Variants in LIMCH1 observed in about 807,000 individuals in gnomAD.
LIMCH1 encodes LIM and calponin homology domains-containing protein 1.
In LIMCH1, 113 loss-of-function variants were observed where a neutral mutation model predicts 176.5. That is an observed-to-expected ratio of 0.64 (90% CI 0.55 to 0.75). LIMCH1 has a LOEUF of 0.75. LIMCH1 is among the 30% of genes least tolerant of loss of function. The pLI, the probability that LIMCH1 is intolerant of heterozygous loss-of-function variation, is 0.00. For missense variants in LIMCH1, 1,674 were observed against 1,814.9 expected (o/e 0.92, Z 1.41); for synonymous variants, 619 against 645.9 (o/e 0.96, Z 0.63).
At chr4:41,612,564 A>C (rs1298574551) in intron 4 of LIMCH1, 4 of 702,486 alleles carry the variant, frequency 5.7e-6, no homozygotes, top group African/African-American at 1.7e-5. Flanking sequence ...AATTAATGCT[A>C]AGACACTGGC....
At chr4:41,380,645 C>A (rs1326436568) in intron 1 of LIMCH1, among the ~76,000 whole-genome samples, 4 of 152,100 alleles carry the variant, frequency 2.6e-5, no homozygotes, top group Non-Finnish European at 5.9e-5. Context: ...TAGACATTTT[C>A]CCCCAAGTGA....
chr4:41,412,403 G>A (rs564861156), intron 1 of LIMCH1, among the ~76,000 whole-genome samples: 1 of 152,140 alleles, frequency 6.6e-6, no homozygotes, highest in South Asian at 2.1e-4. Context: ...TTCACTTTTC[G>A]GGTTTGAAGA....
At chr4:41,402,675 A>G (rs6447064) in intron 1 of LIMCH1, among the ~76,000 whole-genome samples, 54,455 of 138,130 alleles carry the variant, frequency 0.39, 13,121 homozygotes, top group African/African-American at 0.73. Context: ...TGTCCTTTGT[A>G]GGGACATGGA....
At chr4:41,646,393 A>G (rs573623688) in intron 16 of LIMCH1, 92 bp from the exon 17 acceptor site, 6 of 1,515,356 alleles carry the variant, frequency 4.0e-6, no homozygotes, top group Middle Eastern at 1.9e-4. Flanking sequence ...TATTCCCTGT[A>G]CTATCTCTTC....
chr4:41,541,838 C>G (rs376526960), intron 1 of LIMCH1, among the ~76,000 whole-genome samples: 2 of 152,310 alleles, frequency 1.3e-5, no homozygotes, highest in African/African-American at 4.8e-5. Flanking sequence ...ACAAGCGTTT[C>G]TGTGGGAGGT....
intron 1 of LIMCH1, among the ~76,000 whole-genome samples, chr4:41,420,910 G>T (rs1211775280): frequency 1.3e-5 from 2 of 152,176 alleles, no homozygotes; most frequent in Non-Finnish European, 2.9e-5. Flanking sequence ...TTACTAGTTG[G>T]TAATTGTTGT....
intron 1 of LIMCH1, among the ~76,000 whole-genome samples, chr4:41,585,820 G>A (rs1168324318): frequency 6.6e-6 from 1 of 152,102 alleles, no homozygotes; most frequent in African/African-American, 2.4e-5. Context: ...ACTGATACGT[G>A]ATTCTACTAC....
chr4:41,567,047 T>G (rs961141541), intron 1 of LIMCH1, among the ~76,000 whole-genome samples: 4 of 152,222 alleles, frequency 2.6e-5, no homozygotes, highest in African/African-American at 9.6e-5. Flanking sequence ...AAAGCTGTTC[T>G]TCCTTTCACC....
chr4:41,565,400 C>CAG (rs1561770310), intron 1 of LIMCH1, among the ~76,000 whole-genome samples: 1 of 140,488 alleles, frequency 7.1e-6, no homozygotes, highest in African/African-American at 2.9e-5. Context: ...CACACACAGA[C>CAG]ACACACACAC....
intron 1 of LIMCH1, among the ~76,000 whole-genome samples, chr4:41,391,739 A>G (rs770550472): frequency 1.3e-5 from 2 of 152,180 alleles, no homozygotes; most frequent in Non-Finnish European, 2.9e-5. Context: ...AGGTCGTAAA[A>G]AGCAAGCAAA....
At chr4:41,492,345 G>A (rs1417122087) in intron 1 of LIMCH1, among the ~76,000 whole-genome samples, 2 of 151,684 alleles carry the variant, frequency 1.3e-5, no homozygotes, top group Non-Finnish European at 1.5e-5. Flanking sequence ...AGGTTGCAGC[G>A]AGCCGAGATC....
intron 1 of LIMCH1, among the ~76,000 whole-genome samples, chr4:41,413,186 A>T (rs1054355943): frequency 6.6e-6 from 1 of 150,482 alleles, no homozygotes; most frequent in Non-Finnish European, 1.5e-5. Context: ...ACAGAGAGCC[A>T]TGTTATTATA....
chr4:41,424,287 G>A (rs979802498), intron 1 of LIMCH1, among the ~76,000 whole-genome samples: 2 of 151,982 alleles, frequency 1.3e-5, no homozygotes, highest in Non-Finnish European at 2.9e-5. Flanking sequence ...AATTGAGACC[G>A]TTTGGAAATA....
intron 1 of LIMCH1, among the ~76,000 whole-genome samples, chr4:41,570,907 A>G (rs761109034): frequency 1.3e-5 from 2 of 152,170 alleles, no homozygotes; most frequent in Non-Finnish European, 2.9e-5. Context: ...TTTGAAGGAG[A>G]GTGCAGAAAT....
intron 1 of LIMCH1, among the ~76,000 whole-genome samples, chr4:41,565,972 T>C (rs142333180): frequency 6.6e-6 from 1 of 152,354 alleles, no homozygotes; most frequent in Non-Finnish European, 1.5e-5. Flanking sequence ...TGACAACTTA[T>C]ACTGTAGATA....
In LIMCH1 at chr4:41,620,585, C is replaced by T; in HGVS notation, c.620C>T (p.Ala207Val). The T allele has an allele frequency of 6.5e-7, 1 of 1,536,170 alleles. No individual in the cohort carries two copies. Among genetic ancestry groups the T allele is most frequent in the East Asian group, 2.4e-5 (1 of 40,904 alleles). ...EHPSSDGAVV[A>V]PAPKSEEKDA... ...CCTTCTTCAGACGGGGCTGTGGTGG[C>T]ACCAGCTCCCAAGTCTGAAGAAAAA... Residue 207 changes from alanine (A) to valine (V), a missense_variant, in exon 7 of 32, where the codon GCA becomes GTA. Transcript: ENST00000503057.
intron 26 of LIMCH1, 94 bp downstream of exon 26, chr4:41,682,554 A>G (rs1716878309): frequency 1.6e-6 from 2 of 1,232,260 alleles, no homozygotes; most frequent in South Asian, 1.6e-5. Context: ...TGCAAATTAC[A>G]TTCAGCTTCG....
In LIMCH1 at chr4:41,482,356, C is replaced by T. The variant is rs144281169; in HGVS notation, c.97-12180C>T. 1.5e-3 allele frequency among the ~76,000 whole-genome samples: 224 copies of T among 151,944 alleles called. 1 individual carries two copies. The highest frequency in any genetic ancestry group is 2.7e-3 in the Non-Finnish European group (184 of 67,974). On this transcript the variant is annotated intron_variant, in intron 1 of 26. Transcript: ENST00000313860. ...TGGTACAGAGAGAAGAAAAGAGATG[C>T]GAAGAGAGGAGAAAAACGCCTGCAA...
chr4:41,637,769 A>C (rs901055659), intron 13 of LIMCH1, among the ~76,000 whole-genome samples: 38 of 152,212 alleles, frequency 2.5e-4, no homozygotes, highest in African/African-American at 8.7e-4. Flanking sequence ...TGATAAAAGC[A>C]TAAGAGAGAA....
Sources: gnomAD v4.1 joint callset for allele counts (sites outside exome capture counted in the v4.1 genomes callset) on GRCh38, gnomAD v4.1.1 for gene constraint, MANE v1.5 for transcripts, NCBI Gene and HGNC (gene_info 2026-07-23, HGNC 2026-07-21) for gene names.